GFI1B: variants seen among roughly 807,000 people sequenced by gnomAD.
GFI1B encodes growth factor independent 1B transcriptional repressor.
GFI1B carries 20 observed loss-of-function variants against 35.3 expected under a neutral mutation model. The ratio of observed to expected loss-of-function variants is 0.57; its 90% CI spans 0.40 to 0.82. The LOEUF is 0.82. Among genes scored for constraint, GFI1B ranks in the 40% least tolerant of loss-of-function variants. GFI1B has a pLI of 0.00. For synonymous variants in GFI1B, 178 were observed against 177.6 expected (o/e 1.00, Z -0.02); for missense variants, 430 against 446.3 (o/e 0.96, Z 0.33).
upstream of GFI1B, among the ~76,000 whole-genome samples, chr9:132,976,071 G>A (rs1055173356): frequency 6.6e-6 from 1 of 152,182 alleles, no homozygotes; most frequent in African/African-American, 2.4e-5. Flanking sequence ...AGTTACTCAC[G>A]GGGGAAGGTA....
At chr9:132,972,393 G>T (rs1304480541) in intron 1 of GFI1B, among the ~76,000 whole-genome samples, 1 of 152,192 alleles carries the variant, frequency 6.6e-6, no homozygotes, top group Non-Finnish European at 1.5e-5. Flanking sequence ...CTGCACTCCA[G>T]CCTGGGCAAC....
At chr9:132,983,358 G>A (rs1379390526) in intron 1 of GFI1B, among the ~76,000 whole-genome samples, 3 of 151,966 alleles carry the variant, frequency 2.0e-5, no homozygotes, top group Middle Eastern at 3.4e-3. Flanking sequence ...CACCATGCCC[G>A]GCTAATTTTT....
intron 1 of GFI1B, among the ~76,000 whole-genome samples, chr9:132,961,887 G>A (rs3011256): frequency 0.2 from 30,309 of 151,758 alleles, 3,458 homozygotes; most frequent in Admixed American, 0.25. Flanking sequence ...CACCGCACCC[G>A]GCCAAAATTC....
chr9:132,966,796 C>T (rs1254061921), intron 1 of GFI1B, among the ~76,000 whole-genome samples: 1 of 152,202 alleles, frequency 6.6e-6, no homozygotes, highest in African/African-American at 2.4e-5. Flanking sequence ...CCTCCTGATG[C>T]AGTGAAGCCC....
intron 1 of GFI1B, among the ~76,000 whole-genome samples, chr9:132,982,882 A>C (rs1452749109): frequency 6.6e-6 from 1 of 152,090 alleles, no homozygotes; most frequent in Non-Finnish European, 1.5e-5. Context: ...GGAGATCACT[A>C]GAAGAAGCAT....
downstream of GFI1B, among the ~76,000 whole-genome samples, chr9:132,993,161 G>A (rs886387335): frequency 6.6e-6 from 1 of 152,184 alleles, no homozygotes; most frequent in African/African-American, 2.4e-5. Flanking sequence ...GGGCATGGTG[G>A]CGCGTGCCTG....
At position 132,990,742 on chromosome 9, in the gene GFI1B, T is replaced by C. The variant is rs1339608393; in HGVS notation, c.815-130T>C. On this transcript the variant is annotated intron_variant, in intron 6 of 6. Transcript: ENST00000372122. ...TTTTCTAATTATTTTCTAAAGTGAA[T>C]GTGAGTTGGCCATGAGAGAAAACAC... The C allele has an allele frequency of 1.2e-5, 9 of 756,430 alleles. 1 individual carries two copies. Among genetic ancestry groups the C allele is most frequent in the South Asian group, 4.5e-5 (3 of 66,304 alleles). 46.9% of individuals were successfully genotyped at this position (756,430 alleles called of 1,614,324 possible).
In GFI1B at chr9:132,989,320, G is replaced by T. The variant is rs559568640; in HGVS notation, c.648+122G>T. The T allele has an allele frequency of 6.1e-6, 6 of 981,770 alleles. No homozygotes were observed. Among genetic ancestry groups the T allele is most frequent in the Non-Finnish European group, 7.9e-6 (5 of 635,834 alleles). The allele number at this position is 981,770 out of a possible 1,614,324, so 60.8% of individuals were successfully genotyped here. A position where few individuals can be genotyped will look rare whatever the true frequency, so the allele number is the denominator to read the frequency against. The stretch of plus-strand genomic sequence containing the variant: ...CTGGGGGTGACACAGATTGGGAGGG[G>T]TCCCCTAGTACCCACCTCCCTGGGT... On this transcript the variant is annotated intron_variant, in intron 5 of 6. Transcript: ENST00000372122. The surrounding 1 kb of genome is among the most constrained non-coding windows in gnomAD (Gnocchi z 6.2).
intron 1 of GFI1B, among the ~76,000 whole-genome samples, chr9:132,986,175 CA>C (rs1484348240): frequency 6.6e-6 from 1 of 152,174 alleles, no homozygotes; most frequent in East Asian, 1.9e-4. Flanking sequence ...GAGGTGTCCG[CA>C]AAGTGGGTTC....
chr9:132,988,003 C>G (rs953197913), intron 3 of GFI1B, among the ~76,000 whole-genome samples, 194 bp from the exon 4 acceptor site: 1 of 152,142 alleles, frequency 6.6e-6, no homozygotes, highest in South Asian at 2.1e-4. Flanking sequence ...AGCCACCACG[C>G]CTGGCTAATT....
rs1441414003 is a variant in GFI1B, at chr9:132,969,545, CT to C, written c.-700-3178del. 7.2e-5 allele frequency among the ~76,000 whole-genome samples: 11 copies of C among 152,312 alleles called. 1 individual carries two copies. In the East Asian group the frequency reaches 2.1e-3, roughly 29 times the overall value. On this transcript the variant is annotated intron_variant, in intron 1 of 10. Transcript: ENST00000339463. ...TGTATGCATTCATCTGTCACAGACACTTGGGTTGCCTCTACCTTTTGGCTGA... is the reference window on the plus strand; with the variant it reads ...TGTATGCATTCATCTGTCACAGACACTGGGTTGCCTCTACCTTTTGGCTGA...
At chr9:132,960,582 G>A (rs1848346682) in intron 1 of GFI1B, among the ~76,000 whole-genome samples, 1 of 151,864 alleles carries the variant, frequency 6.6e-6, no homozygotes, top group South Asian at 2.1e-4. Context: ...CTACAGCCTC[G>A]AGCTCCTGGG....
Position 132,965,310 on chromosome 9 carries a change from C to T in GFI1B, c.-700-7415C>T, listed in dbSNP as rs141689483. On this transcript the variant is annotated intron_variant, in intron 1 of 10. Coordinates refer to the GFI1B transcript ENST00000339463. ...AGCAGGGGAAGTACAAGTGGGTCACCTTCTTGTGTTAGAAAGCAAGGACAT... is the reference window on the plus strand; with the variant it reads ...AGCAGGGGAAGTACAAGTGGGTCACTTTCTTGTGTTAGAAAGCAAGGACAT... Among the ~76,000 whole-genome samples the T allele has an allele frequency of 2.6e-5, 4 of 152,268 alleles. No homozygotes were observed. In the East Asian group the frequency reaches 7.7e-4, roughly 29 times the overall value.
chr9:132,950,628 G>C (rs1440627202), intron 1 of GFI1B, among the ~76,000 whole-genome samples: 1 of 85,932 alleles, frequency 1.2e-5, no homozygotes, highest in African/African-American at 5.9e-5. Context: ...GCGTGATCTC[G>C]GCTCACTGCA....
intron 1 of GFI1B, among the ~76,000 whole-genome samples, chr9:132,948,263 C>G (rs1848151846): frequency 2.6e-5 from 4 of 152,078 alleles, no homozygotes; most frequent in Admixed American, 2.6e-4. Flanking sequence ...GCTGTGGCCT[C>G]TCCCTTCCCC....
At chr9:132,962,189 G>A (rs1250872801) in intron 1 of GFI1B, among the ~76,000 whole-genome samples, 1 of 146,530 alleles carries the variant, frequency 6.8e-6, no homozygotes, top group Non-Finnish European at 1.5e-5. Flanking sequence ...ACAGGCTGGA[G>A]TACAGTGGTA....
chr9:132,990,662 C>T (rs1331904871), intron 6 of GFI1B, among the ~76,000 whole-genome samples: 5 of 152,366 alleles, frequency 3.3e-5, no homozygotes, highest in Middle Eastern at 3.4e-3. Flanking sequence ...CCCTAACCAC[C>T]CTATAATCCA....
intron 1 of GFI1B, among the ~76,000 whole-genome samples, chr9:132,969,169 C>T (rs921146040): frequency 7.2e-5 from 11 of 152,010 alleles, no homozygotes; most frequent in African/African-American, 2.7e-4. Context: ...GCTGGGACTA[C>T]AGGCGCGCAC....
At chr9:132,971,874 G>A (rs371149572) in intron 1 of GFI1B, among the ~76,000 whole-genome samples, 1 of 150,594 alleles carries the variant, frequency 6.6e-6, no homozygotes, top group Non-Finnish European at 1.5e-5. Flanking sequence ...CTAGGGAGGC[G>A]AAGGCAGGAG....
Sources: gnomAD v4.1 joint callset for allele counts (sites outside exome capture counted in the v4.1 genomes callset) on GRCh38, gnomAD v4.1.1 for gene constraint, Gnocchi (gnomAD v3.1) non-coding constraint, MANE v1.5 for transcripts, NCBI Gene and HGNC (gene_info 2026-07-23, HGNC 2026-07-21) for gene names.